SKI: variants seen among roughly 807,000 people sequenced by gnomAD.
SKI encodes SKI proto-oncogene.
Under a neutral mutation model 59.3 loss-of-function variants are expected in SKI, and 23 were observed. That is an observed-to-expected ratio of 0.39 (90% CI 0.28 to 0.55). The LOEUF (loss-of-function observed/expected upper bound fraction) is 0.55, where lower values mean the gene tolerates loss of function less well. Ranked by LOEUF, SKI falls within the 20% of genes least tolerant of loss-of-function variation. The pLI is 0.67. For synonymous variants in SKI, 673 were observed against 488.6 expected, an observed-to-expected ratio of 1.38 and a Z score of -4.98; for missense variants, 1,017 against 1,038.9, an observed-to-expected ratio of 0.98 and a Z score of 0.29.
At chr1:2,260,157 C>T (rs536606904) in intron 1 of SKI, among the ~76,000 whole-genome samples, 1 of 152,228 alleles carries the variant, frequency 6.6e-6, no homozygotes, top group South Asian at 2.1e-4. Context: ...TGCTGCTCCA[C>T]GTCCTGGCCA....
Position 2,228,662 on chromosome 1 carries a change from C to T in SKI, c.-105C>T, listed in dbSNP as rs1638556505. The T allele has an allele frequency of 1.9e-6, 1 of 533,178 alleles. No individual in the cohort carries two copies. Among genetic ancestry groups the T allele is most frequent in the Non-Finnish European group, 2.4e-6 (1 of 421,868 alleles). 33.0% of individuals were successfully genotyped at this position (533,178 alleles called of 1,614,324 possible). A position where few individuals can be genotyped will look rare whatever the true frequency, so the allele number is the denominator to read the frequency against. The stretch of plus-strand genomic sequence containing the variant: ...CCGTGAGCCGGCGGCGGGGGGCGGC[C>T]GGGGTCGGGGCCGCGGGCGCCGCCG... On this transcript the variant is annotated 5_prime_UTR_variant, in exon 1 of 7. Coordinates refer to ENST00000378536, the MANE Select transcript of SKI (RefSeq NM_003036.4).
At chr1:2,294,717 C>A (rs1569840901) in intron 1 of SKI, among the ~76,000 whole-genome samples, 1 of 152,254 alleles carries the variant, frequency 6.6e-6, no homozygotes, top group Non-Finnish European at 1.5e-5. Flanking sequence ...CTGGCCCTCC[C>A]CCCGCTAGCT....
chr1:2,295,453 GT>G (rs1640261856), intron 1 of SKI, among the ~76,000 whole-genome samples: 3 of 152,210 alleles, frequency 2.0e-5, no homozygotes, highest in Admixed American at 2.0e-4. Flanking sequence ...TGGTTTAATG[GT>G]TTTTCAGTAT....
At chr1:2,274,477 C>T (rs542331662) in intron 1 of SKI, among the ~76,000 whole-genome samples, 19 of 152,150 alleles carry the variant, frequency 1.2e-4, no homozygotes, top group African/African-American at 4.6e-4. Context: ...CCACCAGCCA[C>T]CCGAGGGCCC....
intron 1 of SKI, among the ~76,000 whole-genome samples, chr1:2,266,190 C>A (rs1240184983): frequency 1.3e-5 from 2 of 152,052 alleles, no homozygotes; most frequent in Non-Finnish European, 2.9e-5. Context: ...TCCTGTCTGT[C>A]GGGTGGAGAC....
At position 2,272,886 on chromosome 1, in the gene SKI, C is replaced by T. The variant is rs375158048; in HGVS notation, c.970-30092C>T. Among the ~76,000 whole-genome samples, 27 of 152,322 alleles carry T rather than the reference C, an allele frequency of 1.8e-4. No individual in the cohort carries two copies. In the East Asian group the frequency reaches 4.3e-3, roughly 24 times the overall value. ...TCCCACGCCCCTCCTGCCCCCGAGG[C>T]TCGCTGGCGTCTGTGCTTCTTCCAG... On this transcript the variant is annotated intron_variant, in intron 1 of 6. Transcript: ENST00000378536.
At chr1:2,300,900 G>A (rs1039682419) in intron 1 of SKI, among the ~76,000 whole-genome samples, 9 of 152,114 alleles carry the variant, frequency 5.9e-5, no homozygotes, top group African/African-American at 1.4e-4. Context: ...CCGGGCCTAC[G>A]GTCCTCCCGC....
At position 2,309,644 on chromosome 1, in the gene SKI, T is replaced by G. The variant is rs1030951866; in HGVS notation, c.*2879T>G. The G allele has an allele frequency of 8.1e-5, 12 of 147,904 alleles. No homozygotes were observed. Among genetic ancestry groups the G allele is most frequent in the Admixed American group, 4.0e-4 (6 of 14,864 alleles). The allele number at this position is 147,904 out of a possible 1,614,324, so 9.2% of individuals were successfully genotyped here. Reference sequence around the variant, plus strand: ...GTGCGTTTCCCATGTGACCCCCTCCTCCCTGTGGGTCTGAGCCCCGGCCCC... The same window carrying G: ...GTGCGTTTCCCATGTGACCCCCTCCGCCCTGTGGGTCTGAGCCCCGGCCCC... On this transcript the variant is annotated 3_prime_UTR_variant, in exon 7 of 7. Transcript: ENST00000378536.
intron 1 of SKI, among the ~76,000 whole-genome samples, chr1:2,235,957 G>A (rs1016373305): frequency 6.6e-6 from 1 of 152,194 alleles, no homozygotes; most frequent in Non-Finnish European, 1.5e-5. Flanking sequence ...GATAAAGGGG[G>A]CTTTGAGAGG....
intron 1 of SKI, among the ~76,000 whole-genome samples, chr1:2,235,338 C>T (rs1638730245): frequency 6.6e-6 from 1 of 152,208 alleles, no homozygotes; most frequent in Admixed American, 6.5e-5. Flanking sequence ...GCCACTGTGC[C>T]TGGCCCCTGG....
chr1:2,243,636 C>T (rs373022486), intron 1 of SKI, among the ~76,000 whole-genome samples: 3 of 152,164 alleles, frequency 2.0e-5, no homozygotes, highest in Admixed American at 6.5e-5. Flanking sequence ...ATGTCGGTCA[C>T]GCCAGGCTGT....
chr1:2,229,864 T>C lies in SKI; in HGVS notation c.969+129T>C, dbSNP rs1638592743. 2.7e-6 allele frequency: 4 copies of C among 1,490,530 alleles called. No homozygotes were observed. In the South Asian group the frequency reaches 5.0e-5, roughly 19 times the overall value. 92.3% of individuals were successfully genotyped at this position (1,490,530 alleles called of 1,614,324 possible). ...CGTGCCCCATGTCTCCAGTCTTCGC[T>C]TTGTTTTAGGGAAATTCAGAGTGTT... On this transcript the variant is annotated intron_variant, in intron 1 of 6. Coordinates refer to ENST00000378536, the MANE Select transcript of SKI (RefSeq NM_003036.4). The surrounding 1 kb of genome is among the most constrained non-coding windows in gnomAD (Gnocchi z 6.3).
intron 1 of SKI, among the ~76,000 whole-genome samples, chr1:2,277,657 C>T (rs533613710): frequency 1.3e-4 from 19 of 150,188 alleles, no homozygotes; most frequent in Admixed American, 5.3e-4. Flanking sequence ...GCACTGTGGG[C>T]GCACACACCT....
chr1:2,244,692 G>A (rs1638954117), intron 1 of SKI, among the ~76,000 whole-genome samples: 1 of 152,282 alleles, frequency 6.6e-6, no homozygotes, highest in East Asian at 1.9e-4. Context: ...TGGGTTGATT[G>A]TTTTGTTATT....
In SKI at chr1:2,303,742, T is replaced by C; in HGVS notation, c.1212-98T>C. 6.7e-7 allele frequency: 1 copy of C among 1,485,920 alleles called. No homozygotes were observed. Among genetic ancestry groups the C allele is most frequent in the South Asian group, 1.2e-5 (1 of 83,516 alleles). 92.0% of individuals were successfully genotyped at this position (1,485,920 alleles called of 1,614,324 possible). ...TTGAAGATTCGGAGCTGGGAAAGTC[T>C]TTCCTGTTTAACACCTTCAGAGGGG... is the stretch of plus-strand genomic sequence containing the variant. On this transcript the variant is annotated intron_variant, in intron 3 of 6. Coordinates refer to ENST00000378536, the MANE Select transcript of SKI (RefSeq NM_003036.4). The surrounding 1 kb of genome is among the most constrained non-coding windows in gnomAD (Gnocchi z 5.6).
At chr1:2,301,204 G>A (rs919324357) in intron 1 of SKI, among the ~76,000 whole-genome samples, 5 of 152,212 alleles carry the variant, frequency 3.3e-5, no homozygotes, top group African/African-American at 1.2e-4. Flanking sequence ...CAGCTAGGAT[G>A]GCACCCGCCC....
At chr1:2,239,049 T>A (rs1638809830) in intron 1 of SKI, among the ~76,000 whole-genome samples, 1 of 152,208 alleles carries the variant, frequency 6.6e-6, no homozygotes, top group African/African-American at 2.4e-5. Flanking sequence ...CTGCCTCACC[T>A]GCTGCCTCCG....
intron 1 of SKI, among the ~76,000 whole-genome samples, chr1:2,235,461 CCAGGTGACCCT>C (rs1314061347): frequency 6.6e-6 from 1 of 152,218 alleles, no homozygotes; most frequent in Non-Finnish European, 1.5e-5. Context: ...AGGTGCCATG[CCAGGTGACCCT>C]CAGGAAGCTC....
chr1:2,250,182 A>G (rs1272399504), intron 1 of SKI, among the ~76,000 whole-genome samples: 3 of 152,220 alleles, frequency 2.0e-5, no homozygotes, highest in Non-Finnish European at 4.4e-5. Context: ...CTGGGATTAC[A>G]GGCATGAGCC....
Sources: gnomAD v4.1 joint callset for allele counts (sites outside exome capture counted in the v4.1 genomes callset) on GRCh38, gnomAD v4.1.1 for gene constraint, Gnocchi (gnomAD v3.1) non-coding constraint, MANE v1.5 for transcripts, NCBI Gene and HGNC (gene_info 2026-07-23, HGNC 2026-07-21) for gene names.